Variants in PRKAR1A observed in about 807,000 individuals in gnomAD.
PRKAR1A encodes cAMP-dependent protein kinase type I-alpha regulatory subunit.
PRKAR1A carries 3 observed loss-of-function variants against 52.0 expected under a neutral mutation model. That is an observed-to-expected ratio of 0.06 (90% CI 0.03 to 0.15). The LOEUF is 0.15. Ranked by LOEUF, PRKAR1A falls within the 10% of genes least tolerant of loss-of-function variation. PRKAR1A has a pLI of 1.00. For synonymous variants in PRKAR1A, 188 were observed against 168.4 expected, an observed-to-expected ratio of 1.12 and a Z score of -0.90; for missense variants, 240 against 477.4, an observed-to-expected ratio of 0.50 and a Z score of 4.63.
chr17:68,462,281 C>G, the PRKAR1A span, among the ~76,000 whole-genome samples: 2 of 152,060 alleles, frequency 1.3e-5, no homozygotes, highest in Non-Finnish European at 2.9e-5. Flanking sequence ...CTGATGATCA[C>G]GAAGACAGTT....
chr17:68,423,303 G>A, the PRKAR1A span, among the ~76,000 whole-genome samples: 4 of 152,190 alleles, frequency 2.6e-5, no homozygotes, highest in East Asian at 7.7e-4. This position sits in a 1 kb window ranked among gnomAD's most constrained non-coding sequence, Gnocchi z 4.4. Flanking sequence ...ACTGAGATGG[G>A]CCATATTGAT....
chr17:68,536,026 C>T (rs1442054344), downstream of PRKAR1A: 9 of 453,966 alleles, frequency 2.0e-5, no homozygotes, highest in South Asian at 9.3e-5. Context: ...GCTTCTGTAG[C>T]GTTGGTGAGT....
At chr17:68,495,982 T>TCC in the PRKAR1A span, among the ~76,000 whole-genome samples, 12 of 4,890 alleles carry the variant, frequency 2.5e-3, no homozygotes, top group Admixed American at 0.024. Flanking sequence ...CTCTCTCCTC[T>TCC]CCTCTCCTCT....
downstream of PRKAR1A, chr17:68,537,441 C>T (rs2086126065): frequency 6.2e-7 from 1 of 1,613,672 alleles, no homozygotes; most frequent in Middle Eastern, 1.7e-4. The surrounding 1 kb of genome is among the most constrained non-coding windows in gnomAD (Gnocchi z 4.2). Flanking sequence ...TGCTCTGGCT[C>T]CAGGCGTATT....
the PRKAR1A span, among the ~76,000 whole-genome samples, chr17:68,494,770 G>A: frequency 7.9e-5 from 12 of 151,846 alleles, no homozygotes; most frequent in Non-Finnish European, 2.9e-5. Context: ...GAAGCCACTT[G>A]GTATCCTTCA....
chr17:68,483,286 CCCTGG>C, the PRKAR1A span, among the ~76,000 whole-genome samples: 2 of 150,424 alleles, frequency 1.3e-5, no homozygotes, highest in Non-Finnish European at 3.0e-5. Context: ...TTCAAGACCA[CCCTGG>C]CCATTATGGT....
At chr17:68,524,860 A>AATTT in intron 5 of PRKAR1A, 52 bp from the exon 6 acceptor site, 1 of 1,381,932 alleles carries the variant, frequency 7.2e-7, no homozygotes, top group Non-Finnish European at 1.0e-6. Context: ...TAATTTTGAT[A>AATTT]ATTTCTTTCT....
chr17:68,526,669 C>T (rs181642153), intron 7 of PRKAR1A, among the ~76,000 whole-genome samples: 228 of 152,160 alleles, frequency 1.5e-3, no homozygotes, highest in Non-Finnish European at 2.8e-3. Flanking sequence ...AACACAGGAA[C>T]AGAAAACCAA....
chr17:68,548,604 G>C (rs569332551), intron 11 of PRKAR1A, among the ~76,000 whole-genome samples: 1 of 152,126 alleles, frequency 6.6e-6, no homozygotes, highest in Non-Finnish European at 1.5e-5. Flanking sequence ...CATGCTGTTG[G>C]GAAAATGACA....
chr17:68,544,585 TAAG>T (rs1325443994), intron 11 of PRKAR1A, among the ~76,000 whole-genome samples: 19 of 152,300 alleles, frequency 1.2e-4, no homozygotes, highest in Non-Finnish European at 2.4e-4. Flanking sequence ...AATCTATAAA[TAAG>T]AAGCACTGGC....
At chr17:68,534,833 T>G (rs2086059271), downstream of PRKAR1A, among the ~76,000 whole-genome samples, 1 of 152,234 alleles carries the variant, frequency 6.6e-6, no homozygotes, top group South Asian at 2.1e-4. Flanking sequence ...AGCAAGATTA[T>G]GTATTGATCG....
At chr17:68,422,086 TAA>T in the PRKAR1A span, 4 of 442,322 alleles carry the variant, frequency 9.0e-6, no homozygotes, top group Non-Finnish European at 1.6e-5. Flanking sequence ...TATATATTTT[TAA>T]AAGGCTCATC....
the PRKAR1A span, among the ~76,000 whole-genome samples, chr17:68,450,295 C>A: frequency 6.6e-6 from 1 of 152,228 alleles, no homozygotes; most frequent in African/African-American, 2.4e-5. Context: ...AGGGAGCCCC[C>A]ACTTCACTCT....
chr17:68,476,175 G>A, the PRKAR1A span, among the ~76,000 whole-genome samples: 1 of 151,904 alleles, frequency 6.6e-6, no homozygotes, highest in Admixed American at 6.6e-5. Context: ...TAATCTACTA[G>A]GTCAAGCTTT....
chr17:68,458,147 A>T, the PRKAR1A span, among the ~76,000 whole-genome samples: 1 of 152,200 alleles, frequency 6.6e-6, no homozygotes, highest in African/African-American at 2.4e-5. Flanking sequence ...GAGAGATAGC[A>T]AGTTATCTTA....
intron 11 of PRKAR1A, chr17:68,540,072 AGG>A: frequency 5.3e-6 from 3 of 566,830 alleles, no homozygotes; most frequent in South Asian, 5.1e-5. Context: ...CTTGAGAGAC[AGG>A]GGTGTGAACG....
the PRKAR1A span, chr17:68,427,111 C>T: frequency 6.3e-7 from 1 of 1,588,728 alleles, no homozygotes; most frequent in South Asian, 1.1e-5. Flanking sequence ...GAGATGCTCC[C>T]CTGTTGGCCC....
At chr17:68,535,949 G>A (rs1472489098), downstream of PRKAR1A, 2 of 453,988 alleles carry the variant, frequency 4.4e-6, no homozygotes, top group African/African-American at 2.0e-5. Flanking sequence ...GAGATTTAAA[G>A]TTCTTCCATG....
rs1488253706 is a variant in PRKAR1A at position 68,532,238 on chromosome 17, C to T, written c.*1789C>T. Reference sequence around the variant, plus strand: ...AAAATGAAAATTACGTTCTTACAAGCTTAAAGCTTGATTTGATCTTTGTTT... The same window carrying T: ...AAAATGAAAATTACGTTCTTACAAGTTTAAAGCTTGATTTGATCTTTGTTT... On this transcript the variant is annotated 3_prime_UTR_variant, in exon 11 of 11. Transcript: ENST00000589228. 1 of 1,038,172 alleles carries T rather than the reference C, an allele frequency of 9.6e-7. No homozygotes were observed. Among genetic ancestry groups the T allele is most frequent in the African/African-American group, 1.7e-5 (1 of 60,386 alleles). The allele number at this position is 1,038,172 out of a possible 1,614,324, so 64.3% of individuals were successfully genotyped here.
Sources: gnomAD v4.1 joint callset for allele counts (sites outside exome capture counted in the v4.1 genomes callset) on GRCh38, gnomAD v4.1.1 for gene constraint, Gnocchi (gnomAD v3.1) non-coding constraint, MANE v1.5 for transcripts, NCBI Gene and HGNC (gene_info 2026-07-23, HGNC 2026-07-21) for gene names.